UBE2H: variants seen among roughly 807,000 people sequenced by gnomAD.
UBE2H encodes the protein ubiquitin conjugating enzyme E2 H.
In UBE2H, 3 loss-of-function variants were observed where a neutral mutation model predicts 29.0. The observed-to-expected ratio is 0.10, with a 90% CI of 0.05 to 0.27. The LOEUF (loss-of-function observed/expected upper bound fraction) is 0.27, where lower values mean the gene tolerates loss of function less well. Among genes scored for constraint, UBE2H ranks in the 10% least tolerant of loss-of-function variants. The pLI is 1.00. For missense variants in UBE2H, 68 were observed against 228.2 expected (o/e 0.30, Z 4.52); for synonymous variants, 69 against 82.9 (o/e 0.83, Z 0.91).
chr7:129,909,194 A>G (rs1249285264), intron 1 of UBE2H, among the ~76,000 whole-genome samples: 2 of 152,214 alleles, frequency 1.3e-5, no homozygotes, highest in African/African-American at 4.8e-5. Context: ...ATAAAGAACT[A>G]TGTAATATAA....
intron 3 of UBE2H, among the ~76,000 whole-genome samples, chr7:129,862,979 G>A (rs955128920): frequency 1.3e-5 from 2 of 152,160 alleles, no homozygotes; most frequent in African/African-American, 4.8e-5. Flanking sequence ...AATCCTACAG[G>A]GCATTATGCT....
chr7:129,890,726 G>C (rs1326762672), intron 1 of UBE2H, among the ~76,000 whole-genome samples: 1 of 152,102 alleles, frequency 6.6e-6, no homozygotes, highest in Non-Finnish European at 1.5e-5. Context: ...AATCAGTTTT[G>C]TAATGAAAGA....
chr7:129,837,719 A>G (rs1416254802), intron 6 of UBE2H, among the ~76,000 whole-genome samples: 1 of 152,166 alleles, frequency 6.6e-6, no homozygotes, highest in Non-Finnish European at 1.5e-5. Context: ...AACAAAGAAA[A>G]GATGCAGGAG....
intron 1 of UBE2H, among the ~76,000 whole-genome samples, chr7:129,944,115 G>A (rs963523139): frequency 5.2e-5 from 6 of 115,800 alleles, no homozygotes; most frequent in Admixed American, 1.8e-4. Context: ...CCAGCACTTT[G>A]GGAGGCCACG....
chr7:129,949,591 ACACT>A (rs1177226236), intron 1 of UBE2H, among the ~76,000 whole-genome samples: 2 of 152,142 alleles, frequency 1.3e-5, no homozygotes, highest in South Asian at 2.1e-4. Flanking sequence ...TTGGTGCAAA[ACACT>A]CACTCCCTGC....
At chr7:129,912,767 G>T (rs1039606007) in intron 1 of UBE2H, among the ~76,000 whole-genome samples, 1 of 152,126 alleles carries the variant, frequency 6.6e-6, no homozygotes, top group Non-Finnish European at 1.5e-5. Context: ...ACGGCCTTTA[G>T]GCAAAGCCTA....
At chr7:129,890,289 GTGTA>G (rs1806452786) in intron 1 of UBE2H, among the ~76,000 whole-genome samples, 1 of 148,770 alleles carries the variant, frequency 6.7e-6, no homozygotes, top group Non-Finnish European at 1.5e-5. Context: ...ATATATACAC[GTGTA>G]TATGTATACA....
At chr7:129,952,459 A>G in intron 1 of UBE2H, 44 bp downstream of exon 1, 1 of 1,603,194 alleles carries the variant, frequency 6.2e-7, no homozygotes, top group Non-Finnish European at 8.5e-7. Flanking sequence ...GCATCCCCAC[A>G]CCGCCCCCCA....
Position 129,833,233 on chromosome 7 carries a change from T to A in UBE2H, c.*1704A>T, listed in dbSNP as rs953590269. On this transcript the variant is annotated 3_prime_UTR_variant, in exon 7 of 7. Transcript: ENST00000355621. Reference sequence around the variant, plus strand: ...TTTATATAGATTTTCAAACAAAAGATTGATTGTGCTTTTTGAATAAAAAAG... The same window carrying A: ...TTTATATAGATTTTCAAACAAAAGAATGATTGTGCTTTTTGAATAAAAAAG... 6.6e-6 allele frequency: 1 copy of A among 152,628 alleles called. No individual in the cohort carries two copies. The highest frequency in any genetic ancestry group is 1.5e-5 in the Non-Finnish European group (1 of 68,032). 9.5% of individuals were successfully genotyped at this position (152,628 alleles called of 1,614,324 possible).
chr7:129,842,086 C>CA (rs1195154270), intron 5 of UBE2H, among the ~76,000 whole-genome samples: 1 of 152,180 alleles, frequency 6.6e-6, no homozygotes, highest in Non-Finnish European at 1.5e-5. Flanking sequence ...AAAGCTACCT[C>CA]AAGGCAATAG....
chr7:129,857,006 T>C (rs1805717414), intron 5 of UBE2H: 1 of 152,730 alleles, frequency 6.5e-6, no homozygotes, highest in Non-Finnish European at 1.5e-5. Flanking sequence ...ATTCATTTGT[T>C]GATTCCCTGT....
chr7:129,843,827 C>G (rs1486569879), intron 5 of UBE2H, among the ~76,000 whole-genome samples: 1 of 152,208 alleles, frequency 6.6e-6, no homozygotes, highest in East Asian at 1.9e-4. Context: ...AGGTGCTGCT[C>G]AAAAGGATTA....
chr7:129,871,055 C>T (rs1407929234), intron 3 of UBE2H, among the ~76,000 whole-genome samples: 2 of 152,190 alleles, frequency 1.3e-5, no homozygotes, highest in South Asian at 4.1e-4. Context: ...TCCAAGGTAC[C>T]TATTCTATCC....
At chr7:129,927,728 T>G (rs1807299876) in intron 1 of UBE2H, among the ~76,000 whole-genome samples, 1 of 152,186 alleles carries the variant, frequency 6.6e-6, no homozygotes, top group South Asian at 2.1e-4. Flanking sequence ...AAGACATGTA[T>G]CGCATATTCT....
chr7:129,883,654 CA>C (rs1413536427), intron 1 of UBE2H, among the ~76,000 whole-genome samples: 1 of 152,282 alleles, frequency 6.6e-6, no homozygotes, highest in Admixed American at 6.5e-5. Context: ...CCAGCCTGGC[CA>C]ACATGGCGAA....
intron 1 of UBE2H, among the ~76,000 whole-genome samples, chr7:129,902,175 A>G (rs1469529306): frequency 6.6e-6 from 1 of 152,206 alleles, no homozygotes; most frequent in African/African-American, 2.4e-5. Flanking sequence ...AATCTAAGGA[A>G]TCATTAAACT....
intron 3 of UBE2H, among the ~76,000 whole-genome samples, chr7:129,873,931 A>G (rs2116355731): frequency 6.6e-6 from 1 of 152,348 alleles, no homozygotes; most frequent in East Asian, 1.9e-4. Context: ...GGTCCTCCTC[A>G]CTGAAAATAT....
chr7:129,940,880 C>T (rs1204894764), intron 1 of UBE2H, among the ~76,000 whole-genome samples: 1 of 152,220 alleles, frequency 6.6e-6, no homozygotes, highest in African/African-American at 2.4e-5. Context: ...CAACAACAGC[C>T]TCTCAACAGA....
chr7:129,934,796 G>A (rs1263325892), intron 1 of UBE2H, among the ~76,000 whole-genome samples: 1 of 151,290 alleles, frequency 6.6e-6, no homozygotes, highest in Non-Finnish European at 1.5e-5. Context: ...AAACAGTCAG[G>A]GTGGCTCACC....
Sources: gnomAD v4.1 joint callset for allele counts (sites outside exome capture counted in the v4.1 genomes callset) on GRCh38, gnomAD v4.1.1 for gene constraint, MANE v1.5 for transcripts, NCBI Gene and HGNC (gene_info 2026-07-23, HGNC 2026-07-21) for gene names.